CDCP1: variants seen among roughly 807,000 people sequenced by gnomAD.
The protein encoded by CDCP1 is CUB domain containing protein 1.
CDCP1 carries 29 observed loss-of-function variants against 60.2 expected under a neutral mutation model. That is an observed-to-expected ratio of 0.48 (90% CI 0.36 to 0.66). The LOEUF (loss-of-function observed/expected upper bound fraction) is 0.66. Among genes scored for constraint, CDCP1 ranks in the 30% least tolerant of loss-of-function variants. The pLI, the probability that CDCP1 is intolerant of heterozygous loss-of-function variation, is 0.00. For synonymous variants in CDCP1, 387 were observed against 431.1 expected (o/e 0.90, Z 1.27); for missense variants, 876 against 1,074.3 (o/e 0.82, Z 2.58).
At chr3:45,140,728 G>A (rs1455592609) in intron 1 of CDCP1, among the ~76,000 whole-genome samples, 4 of 152,234 alleles carry the variant, frequency 2.6e-5, no homozygotes, top group Admixed American at 2.0e-4. Context: ...TTTCTCAGGA[G>A]AAAATAGCTT....
chr3:45,101,881 C>T (rs1576087610), intron 4 of CDCP1, among the ~76,000 whole-genome samples: 1 of 97,134 alleles, frequency 1.0e-5, no homozygotes, highest in African/African-American at 3.7e-5. Flanking sequence ...AGTGAAACTC[C>T]AGCTCAAAAA....
intron 1 of CDCP1, among the ~76,000 whole-genome samples, chr3:45,142,237 CA>C (rs1298124152): frequency 6.6e-6 from 1 of 152,256 alleles, no homozygotes; most frequent in South Asian, 2.1e-4. Context: ...TGACCTCAAT[CA>C]GGGGTCTTTC....
intron 1 of CDCP1, among the ~76,000 whole-genome samples, chr3:45,143,008 G>A (rs1699320145): frequency 6.6e-6 from 1 of 152,202 alleles, no homozygotes; most frequent in African/African-American, 2.4e-5. Flanking sequence ...TTTGAGACGA[G>A]CCTGGCTAAT....
chr3:45,134,459 C>T (rs1041359735), intron 1 of CDCP1, among the ~76,000 whole-genome samples: 10 of 152,220 alleles, frequency 6.6e-5, no homozygotes, highest in Non-Finnish European at 1.5e-4. Flanking sequence ...AAGCCCCAAC[C>T]TCTTGATCAC....
intron 1 of CDCP1, among the ~76,000 whole-genome samples, chr3:45,135,982 C>A (rs966848356): frequency 3.3e-5 from 5 of 152,186 alleles, no homozygotes; most frequent in African/African-American, 7.2e-5. Context: ...CCTAGGCCAT[C>A]AATTTGTAGC....
In CDCP1 at chr3:45,095,374, GA is replaced by G; in HGVS notation, c.1218del (p.Leu407CysfsTer3). The G allele has an allele frequency of 6.2e-7, 1 of 1,614,178 alleles. No homozygotes were observed. The highest frequency in any genetic ancestry group is 2.2e-5 in the East Asian group (1 of 44,886). On this transcript the variant is annotated frameshift_variant, in exon 5 of 9. Coordinates refer to ENST00000296129, the MANE Select transcript of CDCP1 (RefSeq NM_022842.5). LOFTEE classifies it high-confidence loss of function. ...KISFLCDDLT[R>X]LWMNVEKTIS... ...ATGGTTTTTTCCACATTCATCCACA[GA>G]CGTGTCAGATCATCACAAAGGAAGG...
intron 1 of CDCP1, among the ~76,000 whole-genome samples, chr3:45,143,068 G>A (rs1699321608): frequency 6.6e-6 from 1 of 152,162 alleles, no homozygotes; most frequent in South Asian, 2.1e-4. Flanking sequence ...GCTGGGTGTG[G>A]TGGTGCACAC....
chr3:45,133,910 C>G (rs1238307996), intron 1 of CDCP1, among the ~76,000 whole-genome samples: 1 of 152,118 alleles, frequency 6.6e-6, no homozygotes, highest in African/African-American at 2.4e-5. Context: ...CTCACCACCT[C>G]CGTCACTGCC....
At chr3:45,089,204 T>G in intron 7 of CDCP1, 63 bp from the exon 8 acceptor site, 1 of 1,354,796 alleles carries the variant, frequency 7.4e-7, no homozygotes. Flanking sequence ...GCAATGAACT[T>G]GAGGCATCTC....
Position 45,112,434 on chromosome 3 carries a change from C to T in CDCP1, c.304G>A (p.Gly102Ser). Residue 102 changes from glycine to serine, a missense_variant, in exon 3 of 9, where the codon GGC (glycine) becomes AGC (serine). Gly to Ser is a moderately conservative substitution (Grantham distance 56). Around this residue, in one of 2 missense-constraint regions of CDCP1, gnomAD observed 150 missense variants for 138.6 expected, o/e 1.08. Coordinates refer to ENST00000296129, the MANE Select transcript of CDCP1 (RefSeq NM_022842.5). ...EIQKNIDCMS[G>S]PCPFGEVQLQ... ...TGAACCTCCCCAAAAGGACATGGGCCTGACATACAGTCTGAAAAACAGTCA... is the reference window on the plus strand; with the variant it reads ...TGAACCTCCCCAAAAGGACATGGGCTTGACATACAGTCTGAAAAACAGTCA... 2 of 1,613,208 alleles carry T rather than the reference C, an allele frequency of 1.2e-6. No homozygotes were observed. Among genetic ancestry groups the T allele is most frequent in the Non-Finnish European group, 8.5e-7 (1 of 1,179,336 alleles).
intron 7 of CDCP1, among the ~76,000 whole-genome samples, chr3:45,090,780 G>A (rs796432930): frequency 2.0e-4 from 30 of 152,314 alleles, no homozygotes; most frequent in African/African-American, 7.2e-4. Flanking sequence ...GCCCAGGCTG[G>A]AGAACAAGAG....
chr3:45,141,914 C>T (rs1699296341), intron 1 of CDCP1, among the ~76,000 whole-genome samples: 2 of 152,130 alleles, frequency 1.3e-5, no homozygotes, highest in South Asian at 4.1e-4. Context: ...TTACTCCAAC[C>T]TCTGCCCCCC....
chr3:45,123,003 AT>A (rs35405744), intron 1 of CDCP1, among the ~76,000 whole-genome samples: 87 of 147,420 alleles, frequency 5.9e-4, no homozygotes, highest in African/African-American at 5.2e-4. Flanking sequence ...AGACGTAGGG[AT>A]TTTTTTTTTT....
intron 4 of CDCP1, among the ~76,000 whole-genome samples, chr3:45,097,026 T>C (rs1380870081): frequency 6.6e-6 from 1 of 152,128 alleles, no homozygotes; most frequent in Non-Finnish European, 1.5e-5. Flanking sequence ...AAATGAACAG[T>C]GCCAGGCATG....
intron 2 of CDCP1, 107 bp from the exon 3 acceptor site, chr3:45,112,552 A>C (rs1698717088): frequency 6.7e-7 from 1 of 1,491,794 alleles, no homozygotes; most frequent in Non-Finnish European, 9.0e-7. Flanking sequence ...GGGCTCCCCC[A>C]AGGTGGCCTT....
chr3:45,124,812 C>T (rs146318958), intron 1 of CDCP1, among the ~76,000 whole-genome samples: 25 of 152,288 alleles, frequency 1.6e-4, no homozygotes, highest in African/African-American at 5.8e-4. Context: ...GGATGTCCAG[C>T]AGATTGGCAA....
intron 4 of CDCP1, among the ~76,000 whole-genome samples, chr3:45,102,649 A>AT: frequency 6.6e-6 from 1 of 150,942 alleles, no homozygotes; most frequent in East Asian, 2.0e-4. Context: ...TACTAAAAAA[A>AT]AAAAAAAAAG....
intron 4 of CDCP1, among the ~76,000 whole-genome samples, chr3:45,100,276 C>A (rs1309704268): frequency 6.6e-6 from 1 of 152,218 alleles, no homozygotes; most frequent in Non-Finnish European, 1.5e-5. Flanking sequence ...TTTACTCAAT[C>A]CCCCGTGTTC....
At chr3:45,094,294 C>A (rs914339266) in intron 5 of CDCP1, among the ~76,000 whole-genome samples, 1 of 151,964 alleles carries the variant, frequency 6.6e-6, no homozygotes, top group East Asian at 1.9e-4. Flanking sequence ...GGTGCGATCT[C>A]GGCTCACTGC....
Sources: allele counts gnomAD v4.1 joint callset (sites outside exome capture counted in the v4.1 genomes callset), GRCh38; gene constraint gnomAD v4.1.1; regional missense constraint gnomAD v4.1.1; transcripts MANE v1.5; gene names NCBI Gene and HGNC (gene_info 2026-07-23, HGNC 2026-07-21).